Variants in CHD4 observed in about 807,000 individuals in gnomAD.
CHD4 encodes ATP-dependent chromatin remodeler CHD4.
Under a neutral mutation model 235.5 loss-of-function variants are expected in CHD4, and 35 were observed. That is an observed-to-expected ratio of 0.15 (90% CI 0.11 to 0.20). The LOEUF (loss-of-function observed/expected upper bound fraction) is 0.20, where lower values mean the gene tolerates loss of function less well. Ranked by LOEUF, CHD4 falls within the 10% of genes least tolerant of loss-of-function variation. The pLI is 1.00. For missense variants in CHD4, 1,329 were observed against 2,432.3 expected (o/e 0.55, Z 9.54); for synonymous variants, 900 against 850.2 (o/e 1.06, Z -1.02).
chr12:6,602,615 G>A lies in CHD4; in HGVS notation c.101-118C>T, dbSNP rs535760458. ...CTCTTGTCCCAGATTCCTCTGAAGA[G>A]AACTGCTATACTCTGTACAGGAGGA... On this transcript the variant is annotated intron_variant, in intron 2 of 39. Coordinates refer to ENST00000544040, the MANE Select transcript of CHD4 (RefSeq NM_001273.5). 29 of 1,288,540 alleles carry A rather than the reference G, an allele frequency of 2.3e-5. No homozygotes were observed. The African/African-American group carries it at 4.2e-4, about 19-fold the overall frequency. The allele number at this position is 1,288,540 out of a possible 1,614,324, so 79.8% of individuals were successfully genotyped here.
chr12:6,587,571 C>T lies in CHD4; in HGVS notation c.3704-12G>A. 2 of 1,613,352 alleles carry T rather than the reference C, an allele frequency of 1.2e-6. No homozygotes were observed. Among genetic ancestry groups the T allele is most frequent in the Non-Finnish European group, 1.7e-6 (2 of 1,179,562 alleles). On this transcript the variant is annotated splice_polypyrimidine_tract_variant and intron_variant, in intron 24 of 39. Transcript: ENST00000544040. ...TTTGTTGTCTCCTCCTATAAAAAAT[C>T]AAGGGCCCACATCCCCAAAGTCAGT...
At position 6,587,611 on chromosome 12, in the gene CHD4, T is replaced by G. The variant is rs758838598; in HGVS notation, c.3704-52A>C. ...CCAAAGTCAGTTTCAGCAGCTGCAGTGGAAAAAGCAAGTCCCACAAGACCC... is the reference window on the plus strand; with the variant it reads ...CCAAAGTCAGTTTCAGCAGCTGCAGGGGAAAAAGCAAGTCCCACAAGACCC... On this transcript the variant is annotated intron_variant, in intron 24 of 39. Transcript: ENST00000544040. 3.2e-5 allele frequency: 51 copies of G among 1,608,708 alleles called. No individual in the cohort carries two copies. The East Asian group carries it at 1.0e-3, about 32-fold the overall frequency.
Position 6,593,523 on chromosome 12 carries a change from C to T in CHD4, c.2407G>A (p.Val803Ile). The change falls in exon 16 of 40, where the codon GTC becomes ATC. Residue 803 changes from valine to isoleucine, a missense_variant. Physicochemically the swap from Val to Ile is conservative, Grantham distance 29 (BLOSUM62 3). Coordinates refer to ENST00000544040, the MANE Select transcript of CHD4 (RefSeq NM_001273.5). The surrounding 1 kb of genome is among the most constrained non-coding windows in gnomAD (Gnocchi z 4.9). ...TCCTTGTCACCCACATAGGTTACGA[C>T]ATACATGTCTGGAGCCCACATTTCA... ...EFEMWAPDMY[V>I]VTYVGDKDSR... 1 of 1,614,162 alleles carries T rather than the reference C, an allele frequency of 6.2e-7. No homozygotes were observed. The highest frequency in any genetic ancestry group is 8.5e-7 in the Non-Finnish European group (1 of 1,180,030).
intron 34 of CHD4, 127 bp downstream of exon 34, chr12:6,578,719 C>A (rs1202413175): frequency 7.5e-7 from 1 of 1,341,914 alleles, no homozygotes; most frequent in African/African-American, 1.4e-5. Context: ...AATGTGGGGA[C>A]AGGTACAGTC....
intron 12 of CHD4, 36 bp downstream of exon 12, chr12:6,597,858 C>A: frequency 6.4e-7 from 1 of 1,568,172 alleles, no homozygotes; most frequent in Non-Finnish European, 8.8e-7. Flanking sequence ...GACTCTCCCA[C>A]GGAGACTGCC....
Position 6,573,170 on chromosome 12 carries a change from G to A in CHD4, c.5461C>T (p.Arg1821Cys). The A allele has an allele frequency of 1.9e-6, 3 of 1,609,136 alleles. No homozygotes were observed. Among genetic ancestry groups the A allele is most frequent in the Non-Finnish European group, 1.7e-6 (2 of 1,178,112 alleles). Residue 1821 changes from arginine to cysteine, a missense_variant, in exon 38 of 40, where the codon CGC (arginine) becomes TGC (cysteine). By Grantham distance (180) the Arg-to-Cys change is radical (BLOSUM62 -3). Coordinates refer to ENST00000544040, the MANE Select transcript of CHD4 (RefSeq NM_001273.5). ...PSHPSMALNT[R>C]FAEVECLAES... ...GCCAAACACTCCACCTCAGCAAAGC[G>A]GGTGTTGAGGGCCATGGAAGGGTGA...
At chr12:6,596,176 GGCAACCCTCCT>G in intron 12 of CHD4, 39 bp from the exon 13 acceptor site, 1 of 1,608,362 alleles carries the variant, frequency 6.2e-7, no homozygotes, top group Non-Finnish European at 8.5e-7. Context: ...AGCCAGAAAA[GGCAACCCTCCT>G]CACTTCCTCT....
chr12:6,584,456 G>A (rs1592267615), intron 25 of CHD4: 3 of 152,276 alleles, frequency 2.0e-5, no homozygotes, highest in Admixed American at 2.0e-4. Flanking sequence ...CTGGAGTAGA[G>A]TGGCGTCATT....
Position 6,578,847 on chromosome 12 carries a change from T to C in CHD4, c.4980A>G (p.Lys1660=), listed in dbSNP as rs1948119039. The C allele has an allele frequency of 7.4e-6, 12 of 1,614,104 alleles. No individual in the cohort carries two copies. The highest frequency in any genetic ancestry group is 1.0e-5 in the Non-Finnish European group (12 of 1,179,928). Residue 1660 remains lysine (K), a splice_region_variant and synonymous_variant, in exon 34 of 40, where the codon AAA becomes AAG. Coordinates refer to ENST00000544040, the MANE Select transcript of CHD4 (RefSeq NM_001273.5). ...IDLTPIVVED[K]EEKKEEEEKK... ...CAATCAACTTCTCCAAACACCCACC[T>C]TTGTCTTCTACCACAATAGGGGTCA...
chr12:6,601,154 T>C, intron 6 of CHD4, 101 bp from the exon 7 acceptor site: 2 of 1,524,318 alleles, frequency 1.3e-6, no homozygotes, highest in African/African-American at 2.8e-5. Context: ...GATTCCCAAA[T>C]TTCCCTCCAA....
intron 22 of CHD4, among the ~76,000 whole-genome samples, chr12:6,588,676 A>G (rs7974020): frequency 0.27 from 40,661 of 151,260 alleles, 6,892 homozygotes; most frequent in African/African-American, 0.49. Context: ...TACTCAGGAG[A>G]CTGAGGCAGG....
Position 6,586,558 on chromosome 12 carries a change from A to G in CHD4, c.3879+826T>C, listed in dbSNP as rs373263517. Among the ~76,000 whole-genome samples the G allele has an allele frequency of 4.6e-5, 7 of 152,272 alleles. No homozygotes were observed. The East Asian group carries it at 1.2e-3, about 25-fold the overall frequency. ...TGGGCAACATAGCAAGACATCTCTA[A>G]AAACATTTAAAAAATTAACCAGGTG... is the stretch of plus-strand genomic sequence containing the variant. On this transcript the variant is annotated intron_variant, in intron 25 of 39. Coordinates refer to ENST00000544040, the MANE Select transcript of CHD4 (RefSeq NM_001273.5).
At chr12:6,580,770 A>G (rs1476177343) in intron 33 of CHD4, 2 of 297,512 alleles carry the variant, frequency 6.7e-6, no homozygotes, top group Non-Finnish European at 1.2e-5. Flanking sequence ...GCAATCTGGG[A>G]GGCAAAAGCA....
At chr12:6,585,053 A>G (rs1054385586) in intron 25 of CHD4, among the ~76,000 whole-genome samples, 1 of 152,254 alleles carries the variant, frequency 6.6e-6, no homozygotes, top group African/African-American at 2.4e-5. Context: ...TCTGAGGTGG[A>G]AGAATGAGAA....
intron 22 of CHD4, among the ~76,000 whole-genome samples, chr12:6,589,623 C>T (rs755799406): frequency 4.0e-5 from 6 of 150,804 alleles, no homozygotes; most frequent in Non-Finnish European, 7.4e-5. Context: ...AAAAATTAGC[C>T]GGGCGTGGTG....
rs774536825 is a variant in CHD4, at chr12:6,591,898, G to C, written c.3090+18C>G. ...AGAAGACCCAACCCAGGGAGGAACA[G>C]GAGATGGCACTACATACCATTGCAG... On this transcript the variant is annotated intron_variant, in intron 20 of 39. Coordinates refer to ENST00000544040, the MANE Select transcript of CHD4 (RefSeq NM_001273.5). 3 of 1,614,204 alleles carry C rather than the reference G, an allele frequency of 1.9e-6. No homozygotes were observed. The highest frequency in any genetic ancestry group is 2.5e-6 in the Non-Finnish European group (3 of 1,180,012).
intron 19 of CHD4, 25 bp from the exon 20 acceptor site, chr12:6,592,082 G>C: frequency 1.2e-6 from 2 of 1,613,646 alleles, no homozygotes; most frequent in Non-Finnish European, 1.7e-6. Flanking sequence ...TAGAAAGACA[G>C]GTTAGACTTG....
chr12:6,600,655 G>C lies in CHD4; in HGVS notation c.942C>G (p.Asp314Glu). ...KRKRSSSEDD[D>E]LDVESDFDDA... ...CATCGAAGTCAGATTCCACATCTAA[G>C]TCATCATCCTCACTCTGGCAGGATG... Residue 314 changes from aspartate (D) to glutamate (E), a missense_variant, in exon 8 of 40, where the codon GAC (aspartate) becomes GAG (glutamate). By Grantham distance (45) the Asp-to-Glu change is conservative. Coordinates refer to ENST00000544040, the MANE Select transcript of CHD4 (RefSeq NM_001273.5). 1 of 1,614,100 alleles carries C rather than the reference G, an allele frequency of 6.2e-7. No individual in the cohort carries two copies.
chr12:6,603,544 G>A (rs1408242233), intron 2 of CHD4, among the ~76,000 whole-genome samples: 3 of 149,106 alleles, frequency 2.0e-5, no homozygotes, highest in Non-Finnish European at 4.5e-5. Context: ...GGGAGGGGGT[G>A]GGTTTGAGAG....
Sources: gnomAD v4.1 joint callset for allele counts (sites outside exome capture counted in the v4.1 genomes callset) on GRCh38, gnomAD v4.1.1 for gene constraint, Gnocchi (gnomAD v3.1) non-coding constraint, MANE v1.5 for transcripts, NCBI Gene and HGNC (gene_info 2026-07-23, HGNC 2026-07-21) for gene names.